PAQR3: variants seen among roughly 807,000 people sequenced by gnomAD.
PAQR3 encodes the protein Raf kinase trapping to Golgi.
PAQR3 carries 39 observed loss-of-function variants against 41.7 expected under a neutral mutation model. The observed-to-expected ratio is 0.93, with a 90% CI of 0.72 to 1.22. The LOEUF (loss-of-function observed/expected upper bound fraction) is 1.22, where lower values mean the gene tolerates loss of function less well. Among genes scored for constraint, PAQR3 ranks in the 50% most tolerant of loss-of-function variants. The probability of loss-of-function intolerance (pLI) is 0.00; values close to 1 mark genes in which losing one functional copy is unlikely to be tolerated. For missense variants in PAQR3, 366 were observed against 385.6 expected (o/e 0.95, Z 0.42); for synonymous variants, 140 against 140.6 (o/e 1.00, Z 0.03).
At chr4:78,905,810 A>G (rs1487268170) in intron 11 of PAQR3, among the ~76,000 whole-genome samples, 1 of 151,964 alleles carries the variant, frequency 6.6e-6, no homozygotes, top group African/African-American at 2.4e-5. Flanking sequence ...GGAAGATCTG[A>G]AATTTTTTTT....
intron 11 of PAQR3, among the ~76,000 whole-genome samples, chr4:78,902,365 T>C: frequency 6.6e-6 from 1 of 152,142 alleles, no homozygotes; most frequent in East Asian, 1.9e-4. Flanking sequence ...GGCTGGGAAA[T>C]ACTGTTCACA....
Position 78,912,848 on chromosome 4 carries a change from A to G in PAQR3, c.*7691T>C, listed in dbSNP as rs1249020976. The G allele has an allele frequency of 6.6e-6, 1 of 152,202 alleles. No individual in the cohort carries two copies. The highest frequency in any genetic ancestry group is 1.5e-5 in the Non-Finnish European group (1 of 68,024). 9.4% of individuals were successfully genotyped at this position (152,202 alleles called of 1,614,324 possible). On this transcript the variant is annotated 3_prime_UTR_variant, in exon 6 of 6. Coordinates refer to ENST00000512733, the MANE Select transcript of PAQR3 (RefSeq NM_001040202.2). ...TATCTGACATTTGTAAAGAAATTAT[A>G]AGAAGAAAAAAAGATACAGAACAGA...
rs61742616 is a variant in PAQR3, at chr4:78,935,151, T to C, written c.318A>G (p.Val106=). ...AGCAGAAAAGACAAATAGAACAAAT[T>C]ACAAAATCTTCTCTGGACGCACTTG... ...PSASASREDF[V]ICSICLFCFQ... is the part of the protein sequence containing the mutation. Residue 106 remains valine, a synonymous_variant, in exon 2 of 6, where the codon GTA becomes GTG. Coordinates refer to ENST00000512733, the MANE Select transcript of PAQR3 (RefSeq NM_001040202.2). The C allele has an allele frequency of 6.2e-7, 1 of 1,613,318 alleles. No homozygotes were observed. The highest frequency in any genetic ancestry group is 1.3e-5 in the African/African-American group (1 of 74,902).
At chr4:78,926,792 AC>A in intron 3 of PAQR3, 74 bp from the exon 4 acceptor site, 2 of 1,354,474 alleles carry the variant, frequency 1.5e-6, no homozygotes, top group South Asian at 2.4e-5. Context: ...TTTGGCTTTT[AC>A]ACTACAAATT....
At position 78,914,801 on chromosome 4, in the gene PAQR3, T is replaced by C. The variant is rs984645671; in HGVS notation, c.*5738A>G. On this transcript the variant is annotated 3_prime_UTR_variant, in exon 6 of 6. Transcript: ENST00000512733. ...CCTGTGCTTCTTTAGGATGTAGTTATAACTAAACCTGTTATACTTGAACAT... is the reference window on the plus strand; with the variant it reads ...CCTGTGCTTCTTTAGGATGTAGTTACAACTAAACCTGTTATACTTGAACAT... The C allele has an allele frequency of 2.0e-5, 3 of 151,692 alleles. No homozygotes were observed. The highest frequency in any genetic ancestry group is 7.3e-5 in the African/African-American group (3 of 41,320). 9.4% of individuals were successfully genotyped at this position (151,692 alleles called of 1,614,324 possible).
Position 78,918,276 on chromosome 4 carries a change from A to G in PAQR3, c.*2263T>C, listed in dbSNP as rs1249284029. On this transcript the variant is annotated 3_prime_UTR_variant, in exon 6 of 6. Coordinates refer to ENST00000512733, the MANE Select transcript of PAQR3 (RefSeq NM_001040202.2). ...CTATAAAAACAAAAATAACTTAAAT[A>G]TACATCATTACAAGGCTCAGATTTG... is the stretch of plus-strand genomic sequence containing the variant. The G allele has an allele frequency of 5.3e-6, 5 of 936,636 alleles. No homozygotes were observed. Among genetic ancestry groups the G allele is most frequent in the Non-Finnish European group, 6.4e-6 (5 of 785,334 alleles). 58.0% of individuals were successfully genotyped at this position (936,636 alleles called of 1,614,324 possible).
chr4:78,939,306 C>A lies in PAQR3; in HGVS notation c.-82G>T. 1 of 1,351,510 alleles carries A rather than the reference C, an allele frequency of 7.4e-7. No homozygotes were observed. Among genetic ancestry groups the A allele is most frequent in the Non-Finnish European group, 9.7e-7 (1 of 1,025,734 alleles). The allele number at this position is 1,351,510 out of a possible 1,614,324, so 83.7% of individuals were successfully genotyped here. ...GGGGAGGGGGCTTCGCCGCTGGCGC[C>A]CCCGCCCCGGAGCCCGCGGACGCTG... On this transcript the variant is annotated 5_prime_UTR_variant, in exon 1 of 6. Coordinates refer to ENST00000512733, the MANE Select transcript of PAQR3 (RefSeq NM_001040202.2).
chr4:78,911,895 T>A lies in PAQR3; in HGVS notation c.*8644A>T. 1 of 1,613,960 alleles carries A rather than the reference T, an allele frequency of 6.2e-7. No individual in the cohort carries two copies. The highest frequency in any genetic ancestry group is 8.5e-7 in the Non-Finnish European group (1 of 1,179,880). ...TACATGGGTCATTCCATAGTGCAGA[T>A]GTATTGAAAATGGATGATTTTGGTG... is the stretch of plus-strand genomic sequence containing the variant. On this transcript the variant is annotated 3_prime_UTR_variant, in exon 6 of 6. Transcript: ENST00000512733.
At chr4:78,935,430 T>A (rs1188111720) in intron 1 of PAQR3, 147 bp from the exon 2 acceptor site, 23 of 574,254 alleles carry the variant, frequency 4.0e-5, no homozygotes, top group Non-Finnish European at 5.8e-5. Flanking sequence ...TGATATATTA[T>A]CTAATTAAAT....
rs1735756075 is a variant in PAQR3, at chr4:78,922,500, A to C, written c.793+1357T>G. The C allele has an allele frequency of 6.1e-6, 7 of 1,153,914 alleles. No individual in the cohort carries two copies. The South Asian group carries it at 7.7e-5, about 13-fold the overall frequency. The allele number at this position is 1,153,914 out of a possible 1,614,324, so 71.5% of individuals were successfully genotyped here. ...CTGACTCATAGCTCTCCAAACTGAA[A>C]AAAAACATCAGTTTTATGTACTCTA... On this transcript the variant is annotated intron_variant, in intron 5 of 5. Coordinates refer to ENST00000512733, the MANE Select transcript of PAQR3 (RefSeq NM_001040202.2).
intron 1 of PAQR3, among the ~76,000 whole-genome samples, chr4:78,936,484 A>T (rs896843426): frequency 1.3e-5 from 2 of 152,210 alleles, no homozygotes; most frequent in Non-Finnish European, 2.9e-5. Context: ...AGTGACTGCT[A>T]CAAATTTAGT....
intron 11 of PAQR3, among the ~76,000 whole-genome samples, chr4:78,891,439 G>T (rs78273774): frequency 0.073 from 11,146 of 152,212 alleles, 574 homozygotes; most frequent in East Asian, 0.22. Flanking sequence ...TTTTCTTGCT[G>T]TATATGCTTT....
Position 78,916,030 on chromosome 4 carries a change from TTAAA to T in PAQR3, c.*4505_*4508del, listed in dbSNP as rs893165499. The T allele has an allele frequency of 2.0e-5, 3 of 151,942 alleles. No homozygotes were observed. The highest frequency in any genetic ancestry group is 4.4e-5 in the Non-Finnish European group (3 of 67,872). 9.4% of individuals were successfully genotyped at this position (151,942 alleles called of 1,614,324 possible). Reference sequence around the variant, plus strand: ...ACCACTAAGCAAATAACTTTAACCTTTAAATAAAGCAAATTTACATCTTTATTGT... The same window carrying T: ...ACCACTAAGCAAATAACTTTAACCTTTAAAGCAAATTTACATCTTTATTGT... On this transcript the variant is annotated 3_prime_UTR_variant, in exon 6 of 6. Transcript: ENST00000512733.
chr4:78,937,218 T>G (rs1737522960), intron 1 of PAQR3, among the ~76,000 whole-genome samples: 1 of 152,158 alleles, frequency 6.6e-6, no homozygotes, highest in Admixed American at 6.5e-5. Flanking sequence ...GGCCTTTTGT[T>G]TTGCAAATGA....
In PAQR3 at chr4:78,913,384, A is replaced by G. The variant is rs578247518; in HGVS notation, c.*7155T>C. ...ATTAGAAACTTGAGGTTTTATAGAAATCATTTAATGATAGAGATTACATAT... is the reference window on the plus strand; with the variant it reads ...ATTAGAAACTTGAGGTTTTATAGAAGTCATTTAATGATAGAGATTACATAT... On this transcript the variant is annotated 3_prime_UTR_variant, in exon 6 of 6. Coordinates refer to ENST00000512733, the MANE Select transcript of PAQR3 (RefSeq NM_001040202.2). 7 of 152,294 alleles carry G rather than the reference A, an allele frequency of 4.6e-5. No homozygotes were observed. In the South Asian group the frequency reaches 1.4e-3, roughly 32 times the overall value. 9.4% of individuals were successfully genotyped at this position (152,294 alleles called of 1,614,324 possible).
At chr4:78,921,859 C>T in intron 5 of PAQR3, 1 of 985,044 alleles carries the variant, frequency 1.0e-6, no homozygotes, top group Non-Finnish European at 1.2e-6. Context: ...CATATCTCCA[C>T]TGCTCTCATG....
intron 2 of PAQR3, among the ~76,000 whole-genome samples, chr4:78,932,422 C>T (rs1232224569): frequency 6.6e-6 from 1 of 152,082 alleles, no homozygotes; most frequent in Non-Finnish European, 1.5e-5. Context: ...TGTTGAATGA[C>T]ACAAGGGCAG....
At chr4:78,901,092 G>A (rs1577975727) in intron 11 of PAQR3, among the ~76,000 whole-genome samples, 1 of 152,258 alleles carries the variant, frequency 6.6e-6, no homozygotes, top group Admixed American at 6.5e-5. Context: ...GCCCAGGCTG[G>A]AGTGCAGTGG....
Position 78,930,247 on chromosome 4 carries a change from A to T in PAQR3, c.427T>A (p.Leu143Ile). 1 of 1,613,924 alleles carries T rather than the reference A, an allele frequency of 6.2e-7. No homozygotes were observed. The highest frequency in any genetic ancestry group is 8.5e-7 in the Non-Finnish European group (1 of 1,179,858). The change falls in exon 3 of 6, where the codon TTA becomes ATA. Residue 143 changes from leucine to isoleucine, a missense_variant. By Grantham distance (5) the Leu-to-Ile change is conservative. Coordinates refer to ENST00000512733, the MANE Select transcript of PAQR3 (RefSeq NM_001040202.2). ...CCAATAGAAATTCCTGCATAATCTA[A>T]TGCCATCCATCTTCGACATGTTTTT... ...SEKTCRRWMA[L>I]DYAGISIGIL...
Sources: gnomAD v4.1 joint callset for allele counts (sites outside exome capture counted in the v4.1 genomes callset) on GRCh38, gnomAD v4.1.1 for gene constraint, MANE v1.5 for transcripts, NCBI Gene and HGNC (gene_info 2026-07-23, HGNC 2026-07-21) for gene names.